Variants in TMEM135 observed in about 807,000 individuals in gnomAD.
TMEM135 encodes peroxisomal membrane protein 52.
In TMEM135, 30 loss-of-function variants were observed where a neutral mutation model predicts 60.3. That is an observed-to-expected ratio of 0.50 (90% CI 0.37 to 0.68). The LOEUF (loss-of-function observed/expected upper bound fraction) is 0.68. Ranked by LOEUF, TMEM135 falls within the 30% of genes least tolerant of loss-of-function variation. The probability of loss-of-function intolerance (pLI) is 0.00; values close to 1 mark genes in which losing one functional copy is unlikely to be tolerated. For missense variants in TMEM135, 468 were observed against 548.8 expected, an observed-to-expected ratio of 0.85 and a Z score of 1.47; for synonymous variants, 190 against 186.7, an observed-to-expected ratio of 1.02 and a Z score of -0.14.
At chr11:87,303,547 C>G (rs983395732) in intron 8 of TMEM135, among the ~76,000 whole-genome samples, 2 of 152,198 alleles carry the variant, frequency 1.3e-5, no homozygotes, top group African/African-American at 4.8e-5. Flanking sequence ...AAGTTCTTAT[C>G]TGTTAACTGG....
intron 4 of TMEM135, among the ~76,000 whole-genome samples, chr11:87,121,765 G>T (rs1311376506): frequency 6.7e-6 from 1 of 149,242 alleles, no homozygotes; most frequent in Non-Finnish European, 1.5e-5. Flanking sequence ...TCAGCCTCCT[G>T]AGTAGCAGGG....
At chr11:87,273,517 CATATT>C (rs1205309646) in intron 6 of TMEM135, among the ~76,000 whole-genome samples, 2 of 151,986 alleles carry the variant, frequency 1.3e-5, no homozygotes, top group South Asian at 2.1e-4. Context: ...ATAGAAGAAA[CATATT>C]GTATTGCTCA....
At position 87,096,970 on chromosome 11, in the gene TMEM135, G is replaced by A. The variant is rs148578764; in HGVS notation, c.396+5575G>A. ...GTCATTGACGGGGTAAGTTGGCACAGTAGACAGTAGAGTATTCCTGGAAGC... is the reference window on the plus strand; with the variant it reads ...GTCATTGACGGGGTAAGTTGGCACAATAGACAGTAGAGTATTCCTGGAAGC... On this transcript the variant is annotated intron_variant, in intron 4 of 14. Coordinates refer to ENST00000305494, the MANE Select transcript of TMEM135 (RefSeq NM_022918.4). 5.2e-3 allele frequency among the ~76,000 whole-genome samples: 786 copies of A among 150,346 alleles called. 13 individuals carry two copies. The highest frequency in any genetic ancestry group is 0.018 in the African/African-American group (748 of 40,914).
chr11:87,155,128 A>G (rs573344214), intron 4 of TMEM135, among the ~76,000 whole-genome samples: 93 of 152,224 alleles, frequency 6.1e-4, no homozygotes, highest in African/African-American at 2.1e-3. Context: ...CCTCCCGGGT[A>G]GCTGGGAGTA....
chr11:87,100,209 A>G (rs1857425433), intron 4 of TMEM135, among the ~76,000 whole-genome samples: 1 of 152,282 alleles, frequency 6.6e-6, no homozygotes, highest in Non-Finnish European at 1.5e-5. Flanking sequence ...CTTTAATGAG[A>G]TCAAAGACTT....
chr11:87,176,151 T>C (rs952162256), intron 5 of TMEM135, among the ~76,000 whole-genome samples: 5 of 152,072 alleles, frequency 3.3e-5, no homozygotes, highest in Non-Finnish European at 7.4e-5. Flanking sequence ...GGGAGGTGTT[T>C]GGGTCATGGG....
At chr11:87,099,849 A>G (rs959660713) in intron 4 of TMEM135, among the ~76,000 whole-genome samples, 9 of 151,704 alleles carry the variant, frequency 5.9e-5, no homozygotes, top group Non-Finnish European at 1.0e-4. Context: ...TGCCTGGCTA[A>G]TTTTTGTATT....
At chr11:87,166,023 T>C (rs191190968) in intron 5 of TMEM135, among the ~76,000 whole-genome samples, 3,192 of 150,976 alleles carry the variant, frequency 0.021, 59 homozygotes, top group South Asian at 0.032. Flanking sequence ...ACATACACTC[T>C]CCCAAGACTA....
At position 87,318,163 on chromosome 11, in the gene TMEM135, A is replaced by G; in HGVS notation, c.1104A>G (p.Ala368=). ...VETMYFKGIE[A]GKVPYFPHAD... ...CAATGTATTTCAAAGGCATTGAAGCAGGGAAGGTTCCCTATTTTCCTCATG... is the reference window on the plus strand; with the variant it reads ...CAATGTATTTCAAAGGCATTGAAGCGGGGAAGGTTCCCTATTTTCCTCATG... Residue 368 remains alanine, a synonymous_variant, in exon 13 of 15, where the codon GCA becomes GCG. Coordinates refer to ENST00000305494, the MANE Select transcript of TMEM135 (RefSeq NM_022918.4). 1 of 1,612,920 alleles carries G rather than the reference A, an allele frequency of 6.2e-7. No homozygotes were observed. The highest frequency in any genetic ancestry group is 8.5e-7 in the Non-Finnish European group (1 of 1,179,664).
chr11:87,168,033 C>G (rs1292758677), intron 5 of TMEM135, among the ~76,000 whole-genome samples: 3 of 152,116 alleles, frequency 2.0e-5, no homozygotes, highest in Admixed American at 2.0e-4. Flanking sequence ...CTGGTTTAGT[C>G]TTGGGAGGGT....
intron 6 of TMEM135, among the ~76,000 whole-genome samples, chr11:87,290,270 A>C (rs1942241864): frequency 6.7e-6 from 1 of 150,148 alleles, no homozygotes; most frequent in Non-Finnish European, 1.5e-5. Flanking sequence ...GGTTTATATA[A>C]AATATAAACA....
At chr11:87,274,118 A>G (rs951463034) in intron 6 of TMEM135, among the ~76,000 whole-genome samples, 1 of 152,206 alleles carries the variant, frequency 6.6e-6, no homozygotes, top group South Asian at 2.1e-4. Context: ...AGTGGGTAGT[A>G]GTAATAATTC....
At chr11:87,210,742 A>C (rs1236456932) in intron 5 of TMEM135, among the ~76,000 whole-genome samples, 1 of 152,096 alleles carries the variant, frequency 6.6e-6, no homozygotes, top group Non-Finnish European at 1.5e-5. Context: ...TAGATGCAAA[A>C]ATCCTCAAGA....
At chr11:87,189,622 G>T (rs898941462) in intron 5 of TMEM135, among the ~76,000 whole-genome samples, 19 of 151,960 alleles carry the variant, frequency 1.3e-4, no homozygotes, top group African/African-American at 4.4e-4. Context: ...CTATTAAATA[G>T]ATTTAAAAAA....
At chr11:87,114,172 C>T (rs928337348) in intron 4 of TMEM135, among the ~76,000 whole-genome samples, 1 of 151,890 alleles carries the variant, frequency 6.6e-6, no homozygotes, top group African/African-American at 2.4e-5. Context: ...GAATGTACTC[C>T]AGCAAAATAA....
At chr11:87,112,162 A>G (rs536207562) in intron 4 of TMEM135, among the ~76,000 whole-genome samples, 5 of 152,232 alleles carry the variant, frequency 3.3e-5, no homozygotes, top group South Asian at 2.1e-4. Flanking sequence ...ATTTAGCACT[A>G]CTATGACAGC....
chr11:87,313,629 AAT>A, intron 11 of TMEM135, 141 bp downstream of exon 11: 1 of 765,656 alleles, frequency 1.3e-6, no homozygotes, highest in Non-Finnish European at 2.2e-6. Flanking sequence ...CACTTGTCCA[AAT>A]ACTTTGTGAT....
chr11:87,303,549 G>A (rs374338068), intron 8 of TMEM135, among the ~76,000 whole-genome samples: 7 of 152,164 alleles, frequency 4.6e-5, no homozygotes, highest in African/African-American at 1.7e-4. Flanking sequence ...GTTCTTATCT[G>A]TTAACTGGGG....
At chr11:87,298,506 A>C (rs993050726) in intron 7 of TMEM135, among the ~76,000 whole-genome samples, 10 of 152,304 alleles carry the variant, frequency 6.6e-5, no homozygotes, top group African/African-American at 1.7e-4. Context: ...ATTTTCCTTC[A>C]GGCTGGGCAT....
Sources: allele counts gnomAD v4.1 joint callset (sites outside exome capture counted in the v4.1 genomes callset), GRCh38; gene constraint gnomAD v4.1.1; transcripts MANE v1.5; gene names NCBI Gene and HGNC (gene_info 2026-07-23, HGNC 2026-07-21).